Variants in CACNA1E observed in about 807,000 individuals in gnomAD.
The protein encoded by CACNA1E is voltage-dependent R-type calcium channel subunit alpha-1E.
A neutral mutation model predicts 259.2 loss-of-function variants in CACNA1E; 40 were observed. The observed-to-expected ratio is 0.15, with a 90% confidence interval of 0.12 to 0.20. The LOEUF (loss-of-function observed/expected upper bound fraction) is 0.20, where lower values mean the gene tolerates loss of function less well. Among genes scored for constraint, CACNA1E ranks in the 10% least tolerant of loss-of-function variants. The pLI is 1.00. For synonymous variants in CACNA1E, 1,104 were observed against 1,138.5 expected (o/e 0.97, Z 0.61); for missense variants, 1,874 against 3,040.1 (o/e 0.62, Z 9.02).
intron 6 of CACNA1E, among the ~76,000 whole-genome samples, chr1:181,614,097 A>T (rs937372303): frequency 2.0e-5 from 3 of 152,218 alleles, no homozygotes; most frequent in African/African-American, 7.2e-5. Flanking sequence ...TCCTGCACCC[A>T]TGTAAAAGCT....
chr1:181,583,275 AACC>A (rs765564744), intron 6 of CACNA1E, among the ~76,000 whole-genome samples: 1 of 152,132 alleles, frequency 6.6e-6, no homozygotes, highest in Non-Finnish European at 1.5e-5. Flanking sequence ...GCATCACCAC[AACC>A]ACCACCAATA....
intron 1 of CACNA1E, among the ~76,000 whole-genome samples, chr1:181,396,550 G>C (rs1468312043): frequency 6.6e-6 from 1 of 152,190 alleles, no homozygotes; most frequent in Non-Finnish European, 1.5e-5. Flanking sequence ...TCACAAAGGA[G>C]AACAAAGAAA....
At chr1:181,544,243 A>C (rs1385783273) in intron 3 of CACNA1E, among the ~76,000 whole-genome samples, 2 of 152,252 alleles carry the variant, frequency 1.3e-5, no homozygotes, top group African/African-American at 2.4e-5. Flanking sequence ...TAAAAAGTTC[A>C]GAATGAGCAA....
intron 2 of CACNA1E, among the ~76,000 whole-genome samples, chr1:181,432,248 A>C (rs1182439285): frequency 6.6e-6 from 1 of 152,176 alleles, no homozygotes; most frequent in African/African-American, 2.4e-5. Context: ...GACCTTCCTG[A>C]AGCCAAGGGC....
At chr1:181,483,507 T>G, upstream of CACNA1E, 1 of 344,406 alleles carries the variant, frequency 2.9e-6, no homozygotes, top group African/African-American at 2.2e-5. Context: ...TTTTCTTTTT[T>G]TTTTTTTTCC....
chr1:181,784,663 G>T lies in CACNA1E; in HGVS notation c.5473G>T (p.Gly1825Cys). The change falls in exon 41 of 48, where the codon GGT becomes TGT. Residue 1825 changes from glycine (G) to cysteine (C), a missense_variant and splice_region_variant. Physicochemically the swap from Gly to Cys is radical, Grantham distance 159. Around this residue, in one of 14 missense-constraint regions of CACNA1E, gnomAD observed 147 missense variants for 337.1 expected, o/e 0.44. Coordinates refer to ENST00000367573, the MANE Select transcript of CACNA1E (RefSeq NM_001205293.3). ...ATTAGTAATTTATCTTATTCTAGGT[G>T]GTGCAGACAGGCAGCAGCTAGACTC... ...TALDIKIAKG[G>C]ADRQQLDSEL... 6.4e-7 allele frequency: 1 copy of T among 1,564,114 alleles called. No homozygotes were observed. Among genetic ancestry groups the T allele is most frequent in the Non-Finnish European group, 8.7e-7 (1 of 1,151,956 alleles).
chr1:181,608,725 C>G (rs374960419), intron 6 of CACNA1E, among the ~76,000 whole-genome samples: 1 of 152,186 alleles, frequency 6.6e-6, no homozygotes, highest in Non-Finnish European at 1.5e-5. Flanking sequence ...GCCACCTTCT[C>G]CCTCTCCTCT....
chr1:181,687,777 TC>T (rs1650730571), intron 7 of CACNA1E, among the ~76,000 whole-genome samples: 1 of 152,174 alleles, frequency 6.6e-6, no homozygotes, highest in Non-Finnish European at 1.5e-5. Context: ...TTATTTTTTT[TC>T]CTACTATAAC....
At chr1:181,494,717 G>A (rs1452552521) in intron 1 of CACNA1E, among the ~76,000 whole-genome samples, 1 of 152,200 alleles carries the variant, frequency 6.6e-6, no homozygotes, top group African/African-American at 2.4e-5. Flanking sequence ...CAAAGTTTAA[G>A]TGATTTCTAC....
At chr1:181,548,385 CA>C (rs918841184) in intron 3 of CACNA1E, among the ~76,000 whole-genome samples, 2 of 152,154 alleles carry the variant, frequency 1.3e-5, no homozygotes, top group African/African-American at 2.4e-5. Flanking sequence ...GTTGGCCTCC[CA>C]AAGTGCTGGG....
rs1572942203 is a variant in CACNA1E, at chr1:181,806,862, C to A, written c.*8028C>A. 6.6e-6 allele frequency: 1 copy of A among 152,156 alleles called. No homozygotes were observed. The highest frequency in any genetic ancestry group is 2.4e-5 in the African/African-American group (1 of 41,440). 9.4% of individuals were successfully genotyped at this position (152,156 alleles called of 1,614,324 possible). On this transcript the variant is annotated 3_prime_UTR_variant, in exon 48 of 48. Transcript: ENST00000367573. ...GGGAAATCATGGGAGTGAAGCCTGC[C>A]AGGACCCTCAGGGTAAGCTGGCAGC...
At chr1:181,593,170 A>G (rs187123852) in intron 6 of CACNA1E, among the ~76,000 whole-genome samples, 5 of 152,238 alleles carry the variant, frequency 3.3e-5, no homozygotes, top group African/African-American at 2.4e-5. Context: ...CCCTCACTAT[A>G]TGAGTGTACT....
At chr1:181,623,143 T>A in intron 6 of CACNA1E, among the ~76,000 whole-genome samples, 1 of 152,172 alleles carries the variant, frequency 6.6e-6, no homozygotes, top group East Asian at 1.9e-4. Context: ...CCTTTCCAAT[T>A]ATGCAACCCC....
At chr1:181,326,018 G>A (rs572866640) in intron 1 of CACNA1E, among the ~76,000 whole-genome samples, 37 of 152,226 alleles carry the variant, frequency 2.4e-4, no homozygotes, top group African/African-American at 7.2e-4. Context: ...CACCCGCTCC[G>A]CCGCCGGTTT....
At chr1:181,406,187 A>C (rs1320492293) in intron 1 of CACNA1E, among the ~76,000 whole-genome samples, 1 of 152,264 alleles carries the variant, frequency 6.6e-6, no homozygotes, top group Non-Finnish European at 1.5e-5. Flanking sequence ...CCCATCTTCC[A>C]GGCCAACTTG....
intron 7 of CACNA1E, among the ~76,000 whole-genome samples, chr1:181,705,021 T>C (rs1402137195): frequency 6.6e-6 from 1 of 152,154 alleles, no homozygotes; most frequent in Non-Finnish European, 1.5e-5. Context: ...CCCCAAGAGT[T>C]AGCAACAGCA....
chr1:181,335,765 A>G (rs747839473), intron 1 of CACNA1E, among the ~76,000 whole-genome samples: 37 of 152,232 alleles, frequency 2.4e-4, no homozygotes, highest in Admixed American at 1.6e-3. Flanking sequence ...CACCTGACAT[A>G]TGGACACTTC....
intron 3 of CACNA1E, among the ~76,000 whole-genome samples, chr1:181,553,721 G>T (rs1648428323): frequency 6.6e-6 from 1 of 152,190 alleles, no homozygotes; most frequent in South Asian, 2.1e-4. Flanking sequence ...AAGGGATGTA[G>T]AATTTATCAA....
At chr1:181,483,229 T>TA (rs1241695015), upstream of CACNA1E, 76 of 152,376 alleles carry the variant, frequency 5.0e-4, no homozygotes, top group African/African-American at 1.8e-3. Flanking sequence ...TATTTTTTTT[T>TA]AAAGTTCTTT....
Sources: allele counts gnomAD v4.1 joint callset (sites outside exome capture counted in the v4.1 genomes callset), GRCh38; gene constraint gnomAD v4.1.1; regional missense constraint gnomAD v4.1.1; transcripts MANE v1.5; gene names NCBI Gene and HGNC (gene_info 2026-07-23, HGNC 2026-07-21).